The following NCMAP variants were observed in gnomAD, a reference collection of about 807,000 sequenced individuals.
NCMAP encodes noncompact myelin-associated protein.
In NCMAP, 8 loss-of-function variants were observed where a neutral mutation model predicts 7.8. The ratio of observed to expected loss-of-function variants is 1.02; its 90% confidence interval spans 0.60 to 1.84. The LOEUF is 1.84. NCMAP is among the 40% of genes most tolerant of loss of function. The pLI is 0.00. For missense variants in NCMAP, 112 were observed against 131.4 expected (o/e 0.85, Z 0.72); for synonymous variants, 41 against 52.9 (o/e 0.78, Z 0.98).
At chr1:24,597,897 A>AT (rs1652316052) in intron 2 of NCMAP, among the ~76,000 whole-genome samples, 1 of 148,244 alleles carries the variant, frequency 6.7e-6, no homozygotes, top group South Asian at 2.1e-4. Context: ...GAAAATTCTG[A>AT]TTTTATCTGG....
chr1:24,571,071 C>T (rs528763525), intron 1 of NCMAP, among the ~76,000 whole-genome samples: 2 of 150,700 alleles, frequency 1.3e-5, no homozygotes, highest in Non-Finnish European at 2.9e-5. Context: ...CTTGGAGTTC[C>T]CAGCGTCCTT....
chr1:24,564,035 A>G (rs909458631), intron 1 of NCMAP: 27 of 152,210 alleles, frequency 1.8e-4, no homozygotes, highest in African/African-American at 5.6e-4. Context: ...AAGTCATAAG[A>G]GAGAATCAAG....
At chr1:24,593,877 T>G (rs896063635) in intron 1 of NCMAP, among the ~76,000 whole-genome samples, 1 of 143,002 alleles carries the variant, frequency 7.0e-6, no homozygotes, top group African/African-American at 2.5e-5. Context: ...TATTTATTTA[T>G]TTATTTATTT....
At chr1:24,600,835 C>T in intron 2 of NCMAP, 105 bp from the exon 3 acceptor site, 1 of 943,254 alleles carries the variant, frequency 1.1e-6, no homozygotes. Flanking sequence ...GCCTTCTCTC[C>T]TGCCTCCCTT....
At chr1:24,604,934 T>C (rs1266605388) in intron 3 of NCMAP, among the ~76,000 whole-genome samples, 1 of 150,898 alleles carries the variant, frequency 6.6e-6, no homozygotes, top group African/African-American at 2.4e-5. Flanking sequence ...GACCAACATG[T>C]TGAAACCCCA....
chr1:24,595,502 C>G lies in NCMAP; in HGVS notation c.72C>G (p.Phe24Leu). ...ACATGACCACCAGGGGAGAAGACTT[C>G]CTGTATAAGAGTAAGGTCAAATTCG... is the stretch of plus-strand genomic sequence containing the variant. ...SLNMTTRGED[F>L]LYKSSGAIVA... is the part of the protein sequence containing the mutation. Residue 24 changes from phenylalanine (F) to leucine (L), a missense_variant, in exon 2 of 4, where the codon TTC becomes TTG. Physicochemically the swap from Phe to Leu is conservative, Grantham distance 22. Transcript: ENST00000374392. The G allele has an allele frequency of 6.2e-7, 1 of 1,612,980 alleles. No individual in the cohort carries two copies. The highest frequency in any genetic ancestry group is 1.1e-5 in the South Asian group (1 of 91,030).
intron 1 of NCMAP, among the ~76,000 whole-genome samples, chr1:24,563,015 C>A (rs1409462354): frequency 1.3e-5 from 2 of 152,232 alleles, no homozygotes; most frequent in East Asian, 3.8e-4. Context: ...TAATTAGACA[C>A]TTGAGAAGTG....
chr1:24,590,166 C>T (rs1652004775), intron 1 of NCMAP, among the ~76,000 whole-genome samples: 3 of 152,206 alleles, frequency 2.0e-5, no homozygotes, highest in African/African-American at 7.2e-5. Context: ...GAAAACTTAT[C>T]TTACATGGCA....
chr1:24,604,062 C>A (rs1280377398), intron 3 of NCMAP, among the ~76,000 whole-genome samples: 2 of 152,160 alleles, frequency 1.3e-5, no homozygotes, highest in African/African-American at 4.8e-5. Flanking sequence ...AAATTCACAG[C>A]CTAAGAAGTC....
At position 24,597,672 on chromosome 1, in the gene NCMAP, A is replaced by AAAGG. The variant is rs1345395712; in HGVS notation, c.82+2162_82+2163insGGAA. ...GAAAGAAAGAAAGAAAGAAAGAAAGAAAAGAAAAAGAAAGAAAGAAAGAGA... is the reference window on the plus strand; with the variant it reads ...GAAAGAAAGAAAGAAAGAAAGAAAGAAAGGAAAGAAAAAGAAAGAAAGAAAGAGA... On this transcript the variant is annotated intron_variant, in intron 2 of 3. Transcript: ENST00000374392. 6.0e-5 allele frequency among the ~76,000 whole-genome samples: 6 copies of AAAGG among 99,554 alleles called. 1 individual carries two copies. The highest frequency in any genetic ancestry group is 9.6e-5 in the African/African-American group (3 of 31,184). The allele number at this position is 99,554 out of a possible 152,430, so 65.3% of individuals were successfully genotyped here. A position where few individuals can be genotyped will look rare whatever the true frequency, so the allele number is the denominator to read the frequency against.
intron 1 of NCMAP, among the ~76,000 whole-genome samples, chr1:24,570,372 A>C (rs1363590741): frequency 6.6e-6 from 1 of 150,820 alleles, no homozygotes; most frequent in Non-Finnish European, 1.5e-5. Flanking sequence ...GCTTGCACCT[A>C]TAGTTCCAGC....
At chr1:24,564,532 AC>A (rs60281828) in intron 1 of NCMAP, among the ~76,000 whole-genome samples, 12,625 of 100,808 alleles carry the variant, frequency 0.13, 2,958 homozygotes, top group Non-Finnish European at 0.14. Context: ...AAAAAAAAAA[AC>A]AAAAAAAAAC....
rs367893763 is a variant in NCMAP, at chr1:24,606,146, G to A, written c.*399G>A. ...TCACGGGGTTCATATCAGATGAAGC[G>A]CCGTATCCACTGCTTCACAGAGCAA... On this transcript the variant is annotated 3_prime_UTR_variant, in exon 4 of 4. Transcript: ENST00000374392. The A allele has an allele frequency of 3.0e-5, 5 of 168,726 alleles. No individual in the cohort carries two copies. The highest frequency in any genetic ancestry group is 1.7e-4 in the East Asian group (1 of 5,982). 10.5% of individuals were successfully genotyped at this position (168,726 alleles called of 1,614,324 possible).
intron 1 of NCMAP, among the ~76,000 whole-genome samples, chr1:24,583,976 G>A (rs533533706): frequency 7.8e-4 from 119 of 152,270 alleles, no homozygotes; most frequent in Non-Finnish European, 9.4e-4. Context: ...CTCGCTGTGT[G>A]GATTGAATGG....
Position 24,569,754 on chromosome 1 carries a change from C to T in NCMAP, c.-8+13585C>T, listed in dbSNP as rs1022944923. 3.3e-5 allele frequency among the ~76,000 whole-genome samples: 5 copies of T among 150,702 alleles called. No individual in the cohort carries two copies. In the East Asian group the frequency reaches 9.6e-4, roughly 29 times the overall value. On this transcript the variant is annotated intron_variant, in intron 1 of 3. Coordinates refer to ENST00000374392, the MANE Select transcript of NCMAP (RefSeq NM_001010980.5). ...TATACAAATAAAAATTTAAACTATA[C>T]AAATAAAAGCTTACTTATAAAGTTT...
intron 1 of NCMAP, among the ~76,000 whole-genome samples, chr1:24,593,840 C>T (rs1652124913): frequency 6.7e-6 from 1 of 150,272 alleles, no homozygotes; most frequent in Non-Finnish European, 1.5e-5. Flanking sequence ...TATTCTTGAC[C>T]CCTATAGTTC....
rs1436549909 is a variant in NCMAP at position 24,607,505 on chromosome 1, T to G, written c.*1758T>G. 1.3e-5 allele frequency: 2 copies of G among 152,198 alleles called. No individual in the cohort carries two copies. Among genetic ancestry groups the G allele is most frequent in the African/African-American group, 4.8e-5 (2 of 41,458 alleles). 9.4% of individuals were successfully genotyped at this position (152,198 alleles called of 1,614,324 possible). ...ACAAGGTAATAAATCTCTATTCTGT[T>G]AAAGAAAGTGACACACTTTGACATT... On this transcript the variant is annotated 3_prime_UTR_variant, in exon 4 of 4. Transcript: ENST00000374392.
intron 3 of NCMAP, among the ~76,000 whole-genome samples, chr1:24,601,456 T>C (rs908356270): frequency 6.6e-6 from 1 of 152,178 alleles, no homozygotes; most frequent in African/African-American, 2.4e-5. Flanking sequence ...AGAATATAAT[T>C]TGATCATACA....
intron 3 of NCMAP, among the ~76,000 whole-genome samples, chr1:24,605,308 A>G (rs1652684262): frequency 1.3e-5 from 2 of 152,206 alleles, no homozygotes; most frequent in Admixed American, 1.3e-4. Flanking sequence ...AACTTTGAAC[A>G]TAAAAAATGT....
Sources: allele counts gnomAD v4.1 joint callset (sites outside exome capture counted in the v4.1 genomes callset), GRCh38; gene constraint gnomAD v4.1.1; transcripts MANE v1.5; gene names NCBI Gene and HGNC (gene_info 2026-07-23, HGNC 2026-07-21).